KMT2C: variants seen among roughly 807,000 people sequenced by gnomAD.
KMT2C encodes the protein histone-lysine N-methyltransferase 2C.
A neutral mutation model predicts 507.9 loss-of-function variants in KMT2C; 88 were observed. That is an observed-to-expected ratio of 0.17 (90% confidence interval 0.15 to 0.21). The LOEUF is 0.21. KMT2C is among the 10% of genes least tolerant of loss of function. KMT2C has a pLI of 1.00. For missense variants in KMT2C, 4,954 were observed against 5,957.8 expected (o/e 0.83, Z 5.55); for synonymous variants, 2,049 against 2,080.8 (o/e 0.98, Z 0.42).
chr7:152,404,832 CTTTT>C (rs900828467), intron 1 of KMT2C, among the ~76,000 whole-genome samples: 1 of 151,850 alleles, frequency 6.6e-6, no homozygotes, highest in African/African-American at 2.4e-5. Flanking sequence ...GCATGAAAAT[CTTTT>C]TTGTTTTTTT....
intron 37 of KMT2C, among the ~76,000 whole-genome samples, chr7:152,178,853 T>G (rs2129116841): frequency 6.6e-6 from 1 of 152,330 alleles, no homozygotes; most frequent in African/African-American, 2.4e-5. Flanking sequence ...AACTAGGGCA[T>G]AGGTTTGGCT....
chr7:152,315,600 A>G (rs546211669), intron 3 of KMT2C, among the ~76,000 whole-genome samples: 1 of 152,270 alleles, frequency 6.6e-6, no homozygotes, highest in Admixed American at 6.5e-5. Context: ...AGCAGTTAGA[A>G]AAGTTATTTT....
At chr7:152,213,988 A>T (rs189182511) in intron 23 of KMT2C, among the ~76,000 whole-genome samples, 1 of 152,290 alleles carries the variant, frequency 6.6e-6, no homozygotes, top group African/African-American at 2.4e-5. Context: ...CATCATAATC[A>T]TGAGAAAAAT....
chr7:152,365,131 A>C (rs891469245), intron 1 of KMT2C, among the ~76,000 whole-genome samples: 1 of 152,236 alleles, frequency 6.6e-6, no homozygotes, highest in African/African-American at 2.4e-5. Flanking sequence ...ACAGTAAAAA[A>C]CATATTTAAA....
intron 23 of KMT2C, among the ~76,000 whole-genome samples, chr7:152,210,811 T>C (rs1265548110): frequency 1.3e-5 from 2 of 151,792 alleles, no homozygotes; most frequent in Non-Finnish European, 2.9e-5. Flanking sequence ...AAAGAAACAT[T>C]CAAAGGGAGG....
intron 14 of KMT2C, among the ~76,000 whole-genome samples, chr7:152,240,700 C>A (rs1418337659): frequency 2.6e-5 from 4 of 152,272 alleles, no homozygotes; most frequent in Non-Finnish European, 5.9e-5. Context: ...TTGTCACTCT[C>A]CTTTGCTCCT....
At chr7:152,151,659 A>G in intron 49 of KMT2C, 78 bp from the exon 50 acceptor site, 4 of 1,160,294 alleles carry the variant, frequency 3.4e-6, no homozygotes, top group Non-Finnish European at 5.0e-6. Flanking sequence ...ATTATGCAGT[A>G]TCAACTCATT....
At chr7:152,431,582 G>T (rs2097862608) in intron 1 of KMT2C, among the ~76,000 whole-genome samples, 1 of 150,954 alleles carries the variant, frequency 6.6e-6, no homozygotes, top group Admixed American at 6.6e-5. Context: ...CTCCAGCCTG[G>T]GCGGCAGAGC....
At position 152,147,707 on chromosome 7, in the gene KMT2C, CAAAAAA is replaced by C. The variant is rs762588729; in HGVS notation, c.13894+320_13894+325del. Among the ~76,000 whole-genome samples, 55 of 46,724 alleles carry C rather than the reference CAAAAAA, an allele frequency of 1.2e-3. No homozygotes were observed. In the South Asian group the frequency reaches 0.013, roughly 11 times the overall value. 30.7% of individuals were successfully genotyped at this position (46,724 alleles called of 152,430 possible). ...GTGCAACAAAAGAGAAACTCCGTCTCAAAAAAAAAAAAAAAAAAAAAGAAAAAGAAA... is the reference window on the plus strand; with the variant it reads ...GTGCAACAAAAGAGAAACTCCGTCTCAAAAAAAAAAAAAAAGAAAAAGAAA... On this transcript the variant is annotated intron_variant, in intron 52 of 58. Coordinates refer to ENST00000262189, the MANE Select transcript of KMT2C (RefSeq NM_170606.3).
At chr7:152,276,586 C>T (rs570323311) in intron 6 of KMT2C, among the ~76,000 whole-genome samples, 4 of 152,074 alleles carry the variant, frequency 2.6e-5, no homozygotes, top group Admixed American at 2.6e-4. Flanking sequence ...AACTCCATCT[C>T]TACAAAAAAT....
rs149657504 is a variant in KMT2C at position 152,351,392 on chromosome 7, C to T, written c.250+7195G>A. ...TATGTTGCGCTGTGCTATGACATCA[C>T]GACAGCTATGACATCATGACAGCTA... On this transcript the variant is annotated intron_variant, in intron 2 of 58. Transcript: ENST00000262189. Among the ~76,000 whole-genome samples the T allele has an allele frequency of 1.8e-3, 273 of 152,270 alleles. 2 individuals are homozygous for T. Among genetic ancestry groups the T allele is most frequent in the Non-Finnish European group, 1.4e-3 (97 of 68,024 alleles).
intron 1 of KMT2C, chr7:152,368,142 A>C (rs2097262348): frequency 1.1e-6 from 1 of 930,158 alleles, no homozygotes; most frequent in South Asian, 1.3e-5. Flanking sequence ...GGGTCAAAGG[A>C]AGGCAGTATC....
At chr7:152,357,351 C>T (rs1025299391) in intron 2 of KMT2C, among the ~76,000 whole-genome samples, 3 of 152,060 alleles carry the variant, frequency 2.0e-5, no homozygotes, top group South Asian at 2.1e-4. Flanking sequence ...GGTGAAACCC[C>T]GTCTCTACTA....
chr7:152,306,007 A>G (rs1488255187), intron 6 of KMT2C, among the ~76,000 whole-genome samples: 2 of 152,228 alleles, frequency 1.3e-5, no homozygotes, highest in Non-Finnish European at 2.9e-5. Flanking sequence ...AAATTAACTC[A>G]TACATATGCA....
chr7:152,182,907 T>A, intron 35 of KMT2C, 67 bp downstream of exon 35: 1 of 1,133,594 alleles, frequency 8.8e-7, no homozygotes, highest in South Asian at 1.7e-5. Context: ...AAAATAATAA[T>A]GCAAAGACCT....
At chr7:152,164,384 G>A (rs1306938850) in intron 42 of KMT2C, among the ~76,000 whole-genome samples, 10 of 151,336 alleles carry the variant, frequency 6.6e-5, no homozygotes, top group Admixed American at 6.6e-4. Flanking sequence ...CCGCCTCCCG[G>A]GTTCACGCCA....
intron 6 of KMT2C, among the ~76,000 whole-genome samples, chr7:152,275,898 T>C (rs2096071533): frequency 6.6e-6 from 1 of 152,216 alleles, no homozygotes; most frequent in African/African-American, 2.4e-5. Flanking sequence ...CCTTTTACAC[T>C]AAAAATAATC....
intron 6 of KMT2C, among the ~76,000 whole-genome samples, chr7:152,297,007 A>AAGAAAGAAAG (rs2096507831): frequency 1.3e-5 from 1 of 77,580 alleles, no homozygotes; most frequent in Non-Finnish European, 2.3e-5. Context: ...AAAAGAAAGA[A>AAGAAAGAAAG]AGAAAGAAAG....
chr7:152,216,660 C>G (rs1199848252), intron 23 of KMT2C, among the ~76,000 whole-genome samples: 1 of 152,166 alleles, frequency 6.6e-6, no homozygotes, highest in African/African-American at 2.4e-5. Flanking sequence ...TTTTCCACAA[C>G]TTCCAAAATG....
Sources: allele counts gnomAD v4.1 joint callset (sites outside exome capture counted in the v4.1 genomes callset), GRCh38; gene constraint gnomAD v4.1.1; transcripts MANE v1.5; gene names NCBI Gene and HGNC (gene_info 2026-07-23, HGNC 2026-07-21).